Variants in PSMB2 observed in about 807,000 individuals in gnomAD.
The protein encoded by PSMB2 is proteasome 20S subunit beta 2.
PSMB2 carries 13 observed loss-of-function variants against 25.7 expected under a neutral mutation model. That is an observed-to-expected ratio of 0.51 (90% CI 0.33 to 0.80). The LOEUF (loss-of-function observed/expected upper bound fraction) is 0.80, where lower values mean the gene tolerates loss of function less well. Ranked by LOEUF, PSMB2 falls within the 30% of genes least tolerant of loss-of-function variation. The pLI is 0.02. For missense variants in PSMB2, 202 were observed against 259.0 expected (o/e 0.78, Z 1.51); for synonymous variants, 87 against 96.2 (o/e 0.90, Z 0.56).
intron 5 of PSMB2, among the ~76,000 whole-genome samples, chr1:35,604,694 T>C (rs537851369): frequency 1.2e-4 from 18 of 152,266 alleles, no homozygotes; most frequent in African/African-American, 4.3e-4. Flanking sequence ...GGCAAGAGAA[T>C]TGCTTGAACC....
chr1:35,610,411 G>A (rs1185026938), intron 3 of PSMB2, among the ~76,000 whole-genome samples: 1 of 152,022 alleles, frequency 6.6e-6, no homozygotes, highest in African/African-American at 2.4e-5. Context: ...CTGAACTCCA[G>A]CCTGGGTTCA....
At chr1:35,640,205 G>A (rs991606807) in intron 1 of PSMB2, among the ~76,000 whole-genome samples, 75 of 152,214 alleles carry the variant, frequency 4.9e-4, no homozygotes, top group African/African-American at 1.7e-3. Context: ...TGCTACTGTT[G>A]AAAAAGTATT....
rs1376865218 is a variant in PSMB2, at chr1:35,601,838, T to C, written c.*1429A>G. 1.0e-6 allele frequency: 1 copy of C among 985,318 alleles called. No individual in the cohort carries two copies. Among genetic ancestry groups the C allele is most frequent in the Non-Finnish European group, 1.2e-6 (1 of 829,946 alleles). 61.0% of individuals were successfully genotyped at this position (985,318 alleles called of 1,614,324 possible). On this transcript the variant is annotated 3_prime_UTR_variant, in exon 6 of 6. Transcript: ENST00000373237. ...ACACATCTGGTCAAGAACCACTGTT[T>C]TAATAGCTTTAACCACAAAACATCC...
At chr1:35,622,889 A>AT (rs1489265351) in intron 3 of PSMB2, among the ~76,000 whole-genome samples, 3 of 151,728 alleles carry the variant, frequency 2.0e-5, no homozygotes, top group Non-Finnish European at 4.4e-5. Context: ...TTCCCAAGTT[A>AT]TTTTTTTTAG....
Position 35,603,289 on chromosome 1 carries a change from G to C in PSMB2, c.584C>G (p.Ser195Cys). ...KNGIHDLDNI[S>C]FPKQGS ...ATGTTAGGAGCCCTGTTTGGGGAAG[G>C]AAATGTTATCCAGGTCATGGATGCC... The change falls in exon 6 of 6, where the codon TCC (serine) becomes TGC (cysteine). Residue 195 changes from serine (S) to cysteine (C), a missense_variant. Ser to Cys is a moderately radical substitution (Grantham distance 112, BLOSUM62 -1). Coordinates refer to ENST00000373237, the MANE Select transcript of PSMB2 (RefSeq NM_002794.5). 1.2e-6 allele frequency: 2 copies of C among 1,614,136 alleles called. No homozygotes were observed. Among genetic ancestry groups the C allele is most frequent in the Non-Finnish European group, 1.7e-6 (2 of 1,179,992 alleles).
intron 1 of PSMB2, among the ~76,000 whole-genome samples, chr1:35,638,071 G>A (rs1267174570): frequency 6.6e-6 from 1 of 152,100 alleles, no homozygotes; most frequent in Non-Finnish European, 1.5e-5. Flanking sequence ...ATTTGAAGGG[G>A]GAGCTTGTTT....
intron 3 of PSMB2, among the ~76,000 whole-genome samples, chr1:35,628,631 A>ATTTTTTTTTTTTTTTT (rs138110586): frequency 5.3e-5 from 2 of 38,082 alleles, no homozygotes; most frequent in South Asian, 2.1e-3. Flanking sequence ...ATATATATAT[A>ATTTTTTTTTTTTTTTT]TTTTTTTTTT....
chr1:35,606,941 T>C (rs989065149), intron 4 of PSMB2, among the ~76,000 whole-genome samples: 4 of 152,122 alleles, frequency 2.6e-5, no homozygotes, highest in Admixed American at 6.5e-5. Flanking sequence ...AGAACACTCA[T>C]TGGGGAAAGG....
intron 3 of PSMB2, 75 bp from the exon 4 acceptor site, chr1:35,609,483 T>C: frequency 8.0e-7 from 1 of 1,248,126 alleles, no homozygotes; most frequent in Non-Finnish European, 1.1e-6. Context: ...AATGAGAATA[T>C]TCTGACTCTT....
chr1:35,634,774 G>GT (rs570001667), intron 2 of PSMB2, among the ~76,000 whole-genome samples: 5,282 of 138,808 alleles, frequency 0.038, 256 homozygotes, highest in African/African-American at 0.11. Flanking sequence ...ATGGTGTTGG[G>GT]TTTTTTTTTT....
intron 3 of PSMB2, among the ~76,000 whole-genome samples, chr1:35,616,267 A>C (rs1286688863): frequency 6.6e-6 from 1 of 152,258 alleles, no homozygotes; most frequent in Non-Finnish European, 1.5e-5. Flanking sequence ...TAGTGTAAAA[A>C]TATGATTTGG....
In PSMB2 at chr1:35,625,558, C is replaced by A. The variant is rs574375813; in HGVS notation, c.285+5716G>T. On this transcript the variant is annotated intron_variant, in intron 3 of 5. Coordinates refer to ENST00000373237, the MANE Select transcript of PSMB2 (RefSeq NM_002794.5). ...CGGGTGGACCACGAGGTCAAGAGAT[C>A]GAGACCATCCTGGTCAACATGGTGA... Among the ~76,000 whole-genome samples, 800 of 152,016 alleles carry A rather than the reference C, an allele frequency of 5.3e-3. 6 individuals carry two copies. Among genetic ancestry groups the A allele is most frequent in the African/African-American group, 0.019 (773 of 41,498 alleles).
chr1:35,601,623 G>C lies in PSMB2; in HGVS notation c.*1644C>G. The C allele has an allele frequency of 1.0e-6, 1 of 985,132 alleles. No homozygotes were observed. Among genetic ancestry groups the C allele is most frequent in the Non-Finnish European group, 1.2e-6 (1 of 829,662 alleles). The allele number at this position is 985,132 out of a possible 1,614,324, so 61.0% of individuals were successfully genotyped here. A position where few individuals can be genotyped will look rare whatever the true frequency, so the allele number is the denominator to read the frequency against. ...TACTTTAATATGAACGTTATGATCA[G>C]TAGGTAGTATCTTAGATGATACATT... On this transcript the variant is annotated 3_prime_UTR_variant, in exon 6 of 6. Coordinates refer to ENST00000373237, the MANE Select transcript of PSMB2 (RefSeq NM_002794.5).
chr1:35,637,438 GATAA>G, intron 1 of PSMB2, among the ~76,000 whole-genome samples: 1 of 152,264 alleles, frequency 6.6e-6, no homozygotes, highest in African/African-American at 2.4e-5. Flanking sequence ...AGATTAGACA[GATAA>G]ATAAATATTC....
chr1:35,600,669 G>A lies in PSMB2; in HGVS notation c.*2598C>T, dbSNP rs1417857830. The A allele has an allele frequency of 1.0e-6, 1 of 985,210 alleles. No homozygotes were observed. The highest frequency in any genetic ancestry group is 1.7e-5 in the African/African-American group (1 of 57,190). 61.0% of individuals were successfully genotyped at this position (985,210 alleles called of 1,614,324 possible). On this transcript the variant is annotated 3_prime_UTR_variant, in exon 6 of 6. Coordinates refer to ENST00000373237, the MANE Select transcript of PSMB2 (RefSeq NM_002794.5). ...GAGTTCGATGTCCCTAAATCTGGAG[G>A]GTGAGCTATCTAGGAATGAGTTGAT...
At chr1:35,609,524 G>A (rs1650270662) in intron 3 of PSMB2, 116 bp from the exon 4 acceptor site, 1 of 971,154 alleles carries the variant, frequency 1.0e-6, no homozygotes, top group Admixed American at 3.5e-5. Context: ...CAGCAACTGA[G>A]TAAATCACAA....
rs577290495 is a variant in PSMB2 at position 35,602,055 on chromosome 1, G to A, written c.*1212C>T. On this transcript the variant is annotated 3_prime_UTR_variant, in exon 6 of 6. Transcript: ENST00000373237. ...CAGAACTTAAAAATACTTTTTAGCC[G>A]GGCACGGTGGCTCACGCCTGTAATC... The A allele has an allele frequency of 6.1e-5, 37 of 602,514 alleles. No homozygotes were observed. The highest frequency in any genetic ancestry group is 2.8e-4 in the African/African-American group (14 of 49,520). The allele number at this position is 602,514 out of a possible 1,614,324, so 37.3% of individuals were successfully genotyped here.
intron 3 of PSMB2, among the ~76,000 whole-genome samples, chr1:35,624,391 C>G (rs1317035534): frequency 1.3e-5 from 2 of 152,152 alleles, no homozygotes; most frequent in African/African-American, 2.4e-5. Context: ...TCAAATAAAA[C>G]TTTACCTAGA....
chr1:35,604,422 G>A (rs1018956961), intron 5 of PSMB2, among the ~76,000 whole-genome samples: 4 of 152,112 alleles, frequency 2.6e-5, no homozygotes, highest in East Asian at 1.9e-4. Flanking sequence ...ACAAAGACTC[G>A]AGCACTATTA....
Sources: gnomAD v4.1 joint callset for allele counts (sites outside exome capture counted in the v4.1 genomes callset) on GRCh38, gnomAD v4.1.1 for gene constraint, MANE v1.5 for transcripts, NCBI Gene and HGNC (gene_info 2026-07-23, HGNC 2026-07-21) for gene names.